PIAS1: variants seen among roughly 807,000 people sequenced by gnomAD.
PIAS1 encodes the protein protein inhibitor of activated STAT 1, also known as E3 SUMO-protein ligase PIAS1.
Under a neutral mutation model 71.3 loss-of-function variants are expected in PIAS1, and 6 were observed. The ratio of observed to expected loss-of-function variants is 0.08; its 90% confidence interval spans 0.05 to 0.17. The LOEUF is 0.17. Ranked by LOEUF, PIAS1 falls within the 10% of genes least tolerant of loss-of-function variation. PIAS1 has a pLI of 1.00. For synonymous variants in PIAS1, 303 were observed against 292.9 expected, an observed-to-expected ratio of 1.03 and a Z score of -0.35; for missense variants, 555 against 793.6, an observed-to-expected ratio of 0.70 and a Z score of 3.61.
intron 2 of PIAS1, among the ~76,000 whole-genome samples, chr15:68,109,920 G>C (rs375041105): frequency 6.6e-6 from 1 of 152,160 alleles, no homozygotes. Flanking sequence ...TGCATGGGAT[G>C]TTAGTAGGTG....
chr15:68,096,229 A>C (rs1444843832), intron 2 of PIAS1, among the ~76,000 whole-genome samples: 1 of 152,104 alleles, frequency 6.6e-6, no homozygotes, highest in African/African-American at 2.4e-5. Context: ...GTCAGAGATC[A>C]TTTGGCTATG....
At chr15:68,106,298 A>G (rs973536545) in intron 2 of PIAS1, among the ~76,000 whole-genome samples, 3 of 150,198 alleles carry the variant, frequency 2.0e-5, no homozygotes, top group Non-Finnish European at 3.0e-5. Flanking sequence ...CATGAAGGCT[A>G]AAAATGGATG....
At chr15:68,179,277 C>CT (rs2093037865) in intron 11 of PIAS1, among the ~76,000 whole-genome samples, 1 of 152,190 alleles carries the variant, frequency 6.6e-6, no homozygotes, top group African/African-American at 2.4e-5. Flanking sequence ...CCACTGAGTG[C>CT]TTAATGTTCA....
intron 2 of PIAS1, among the ~76,000 whole-genome samples, chr15:68,133,315 G>T (rs2141034554): frequency 6.6e-6 from 1 of 152,120 alleles, no homozygotes; most frequent in East Asian, 1.9e-4. Flanking sequence ...AGACAGGAAG[G>T]TTAAAGATGT....
At chr15:68,150,632 C>G (rs1454256422) in intron 6 of PIAS1, among the ~76,000 whole-genome samples, 2 of 152,116 alleles carry the variant, frequency 1.3e-5, no homozygotes, top group Non-Finnish European at 2.9e-5. Context: ...TATATTGTAA[C>G]TTCTTGCTCT....
At chr15:68,127,939 A>T (rs2092663039) in intron 2 of PIAS1, among the ~76,000 whole-genome samples, 1 of 151,798 alleles carries the variant, frequency 6.6e-6, no homozygotes, top group Non-Finnish European at 1.5e-5. Flanking sequence ...ATTATTTTGT[A>T]TTTTTAGTAG....
intron 1 of PIAS1, chr15:68,055,882 C>CAA: frequency 1.4e-6 from 1 of 700,466 alleles, no homozygotes; most frequent in Non-Finnish European, 2.6e-6. Flanking sequence ...AATAACTTCA[C>CAA]AATGTTTACA....
chr15:68,079,112 A>C (rs1163013398), intron 1 of PIAS1, among the ~76,000 whole-genome samples: 1 of 151,912 alleles, frequency 6.6e-6, no homozygotes, highest in Non-Finnish European at 1.5e-5. Flanking sequence ...TTAGTGGCCA[A>C]GTCAGTACCA....
chr15:68,076,268 T>C (rs1479931490), intron 1 of PIAS1, among the ~76,000 whole-genome samples: 1 of 152,132 alleles, frequency 6.6e-6, no homozygotes, highest in African/African-American at 2.4e-5. Flanking sequence ...CCTATCACTT[T>C]GGGAGGCCGA....
At chr15:68,152,335 CCT>C in intron 6 of PIAS1, among the ~76,000 whole-genome samples, 2 of 152,068 alleles carry the variant, frequency 1.3e-5, no homozygotes, top group Admixed American at 1.3e-4. Flanking sequence ...CTTTTTCCTC[CCT>C]CTCAGAAAAT....
intron 2 of PIAS1, among the ~76,000 whole-genome samples, chr15:68,105,399 C>G (rs1430498520): frequency 1.1e-5 from 1 of 93,954 alleles, no homozygotes; most frequent in Non-Finnish European, 2.3e-5. Flanking sequence ...AAGTCAATTT[C>G]AAGTCAAGAT....
intron 1 of PIAS1, among the ~76,000 whole-genome samples, chr15:68,079,169 T>G (rs952198791): frequency 8.5e-5 from 13 of 152,208 alleles, no homozygotes; most frequent in African/African-American, 3.1e-4. Flanking sequence ...GTATTGCACA[T>G]TTATTCAGCA....
Position 68,137,394 on chromosome 15 carries a change from G to A in PIAS1, c.470-4552G>A, listed in dbSNP as rs1266229453. 3.9e-5 allele frequency among the ~76,000 whole-genome samples: 6 copies of A among 152,228 alleles called. 1 individual carries two copies. The highest frequency in any genetic ancestry group is 8.8e-5 in the Non-Finnish European group (6 of 68,002). ...ATGTAATAAGGGTAATTTTTTTAAA[G>A]CAAGCTTTCATATTGTATCTATAGT... On this transcript the variant is annotated intron_variant, in intron 2 of 13. Transcript: ENST00000249636.
At chr15:68,175,882 ATTCC>A in intron 10 of PIAS1, 115 bp downstream of exon 10, 1 of 565,042 alleles carries the variant, frequency 1.8e-6, no homozygotes. Flanking sequence ...TAGCTTAATA[ATTCC>A]TATTAACTTA....
chr15:68,176,074 GTTC>G (rs1365287874), intron 10 of PIAS1, among the ~76,000 whole-genome samples: 4 of 151,920 alleles, frequency 2.6e-5, no homozygotes, highest in African/African-American at 4.8e-5. Flanking sequence ...AGTAGTAAAG[GTTC>G]TTTTTTCATT....
intron 1 of PIAS1, among the ~76,000 whole-genome samples, chr15:68,077,180 T>C (rs144280289): frequency 6.5e-4 from 99 of 152,294 alleles, no homozygotes; most frequent in Admixed American, 2.9e-3. Context: ...AATAAAAGAA[T>C]AACACATACC....
chr15:68,085,231 A>G (rs1317682183), intron 1 of PIAS1, among the ~76,000 whole-genome samples: 3 of 151,876 alleles, frequency 2.0e-5, no homozygotes, highest in Non-Finnish European at 4.4e-5. Context: ...TTATCCTAAT[A>G]CTCCCTGTCA....
chr15:68,141,310 T>C (rs887422463), intron 2 of PIAS1, among the ~76,000 whole-genome samples: 11 of 152,154 alleles, frequency 7.2e-5, no homozygotes, highest in African/African-American at 2.7e-4. Flanking sequence ...CATGCGTTTC[T>C]CTTTCTTCCC....
rs1368643665 is a variant in PIAS1, at chr15:68,192,520, C to G, written c.*4685C>G. ...TTTGGGCCATTTATTTACCCTCACC[C>G]CACAAAACTCTTTGGCTCCTAGGAA... is the stretch of plus-strand genomic sequence containing the variant. On this transcript the variant is annotated 3_prime_UTR_variant, in exon 14 of 14. Transcript: ENST00000249636. 6.6e-6 allele frequency: 1 copy of G among 152,188 alleles called. No individual in the cohort carries two copies. Among genetic ancestry groups the G allele is most frequent in the East Asian group, 1.9e-4 (1 of 5,198 alleles). The allele number at this position is 152,188 out of a possible 1,614,324, so 9.4% of individuals were successfully genotyped here.
Sources: gnomAD v4.1 joint callset for allele counts (sites outside exome capture counted in the v4.1 genomes callset) on GRCh38, gnomAD v4.1.1 for gene constraint, MANE v1.5 for transcripts, NCBI Gene and HGNC (gene_info 2026-07-23, HGNC 2026-07-21) for gene names.